MYO6: variants seen among roughly 807,000 people sequenced by gnomAD.
The protein encoded by MYO6 is myosin VI, also known as unconventional myosin-VI.
A neutral mutation model predicts 178.7 loss-of-function variants in MYO6; 74 were observed. The ratio of observed to expected loss-of-function variants is 0.41; its 90% CI spans 0.34 to 0.50. The LOEUF (loss-of-function observed/expected upper bound fraction) is 0.50, where lower values mean the gene tolerates loss of function less well. Ranked by LOEUF, MYO6 falls within the 20% of genes least tolerant of loss-of-function variation. MYO6 has a pLI of 0.09. For synonymous variants in MYO6, 477 were observed against 504.6 expected (o/e 0.95, Z 0.73); for missense variants, 1,330 against 1,547.4 (o/e 0.86, Z 2.36).
At chr6:75,788,239 T>C (rs1444499884) in intron 1 of MYO6, among the ~76,000 whole-genome samples, 1 of 151,516 alleles carries the variant, frequency 6.6e-6, no homozygotes, top group Non-Finnish European at 1.5e-5. Flanking sequence ...TGGTGGGTGC[T>C]TGTGGTCCCA....
chr6:75,900,030 C>T (rs1246359930), intron 30 of MYO6, among the ~76,000 whole-genome samples: 2 of 151,636 alleles, frequency 1.3e-5, no homozygotes, highest in African/African-American at 2.4e-5. Flanking sequence ...ATGATGATTT[C>T]CAATGTCATC....
At chr6:75,789,771 A>G (rs1484040231) in intron 1 of MYO6, among the ~76,000 whole-genome samples, 1 of 152,256 alleles carries the variant, frequency 6.6e-6, no homozygotes, top group South Asian at 2.1e-4. Context: ...TCTTTTAGCT[A>G]TCTTGAAATA....
chr6:75,818,623 T>C (rs923577106), intron 2 of MYO6, among the ~76,000 whole-genome samples: 1 of 152,216 alleles, frequency 6.6e-6, no homozygotes, highest in Non-Finnish European at 1.5e-5. Flanking sequence ...CATGGCTAAC[T>C]AATGCCATAT....
Position 75,780,106 on chromosome 6 carries a change from T to C in MYO6, c.-48+30683T>C, listed in dbSNP as rs540763453. Among the ~76,000 whole-genome samples the C allele has an allele frequency of 2.6e-5, 4 of 152,154 alleles. No individual in the cohort carries two copies. The South Asian group carries it at 8.3e-4, about 32-fold the overall frequency. On this transcript the variant is annotated intron_variant, in intron 1 of 34. Transcript: ENST00000369977. The stretch of plus-strand genomic sequence containing the variant: ...GGGGCTGGAGGTCTAGGAAAAAAAA[T>C]TGGGTAGTGGCAAAGATCATTGTTA...
intron 29 of MYO6, among the ~76,000 whole-genome samples, chr6:75,897,761 C>T (rs1779419729): frequency 6.6e-6 from 1 of 152,210 alleles, no homozygotes; most frequent in Non-Finnish European, 1.5e-5. Context: ...AAGTTACACT[C>T]TTCTGGGTAA....
rs766700803 is a variant in MYO6 at position 75,855,219 on chromosome 6, C to T, written c.1159C>T (p.Arg387Ter). ...ACTGGGTTTGGACCAAGATGATCTT[C>T]GAGTAAGTTTGACCACAAGAGTCAT... is the stretch of plus-strand genomic sequence containing the variant. ...ELLGLDQDDL[R>*]VSLTTRVMLT... The change falls in exon 12 of 35, where the codon CGA becomes TGA. Residue 387 changes from arginine (R) to a stop codon, truncating the protein, a stop_gained. Coordinates refer to ENST00000369977, the MANE Select transcript of MYO6 (RefSeq NM_004999.4). LOFTEE classifies it high-confidence loss of function. 1.9e-6 allele frequency: 3 copies of T among 1,613,468 alleles called. No homozygotes were observed. Among genetic ancestry groups the T allele is most frequent in the Non-Finnish European group, 2.5e-6 (3 of 1,179,698 alleles).
At position 75,917,130 on chromosome 6, in the gene MYO6, A is replaced by G. The variant is rs1458176897; in HGVS notation, c.*2118A>G. ...ACCCTGTCAGCCTTTTAAAGGAAACAGCAGGAGTGGTGTCCTAAATGATGT... is the reference window on the plus strand; with the variant it reads ...ACCCTGTCAGCCTTTTAAAGGAAACGGCAGGAGTGGTGTCCTAAATGATGT... On this transcript the variant is annotated 3_prime_UTR_variant, in exon 35 of 35. Coordinates refer to ENST00000369977, the MANE Select transcript of MYO6 (RefSeq NM_004999.4). The G allele has an allele frequency of 1.3e-5, 2 of 152,618 alleles. No homozygotes were observed. The highest frequency in any genetic ancestry group is 2.9e-5 in the Non-Finnish European group (2 of 68,046). 9.5% of individuals were successfully genotyped at this position (152,618 alleles called of 1,614,324 possible). A position where few individuals can be genotyped will look rare whatever the true frequency, so the allele number is the denominator to read the frequency against.
At chr6:75,879,435 T>G (rs1777833973) in intron 20 of MYO6, among the ~76,000 whole-genome samples, 1 of 151,320 alleles carries the variant, frequency 6.6e-6, no homozygotes, top group African/African-American at 2.4e-5. Context: ...TTTTTTTTTT[T>G]TTGTAGAGAT....
At position 75,832,945 on chromosome 6, in the gene MYO6, A is replaced by G. The variant is rs1773261090; in HGVS notation, c.495A>G (p.Leu165=). Residue 165 remains leucine, a splice_region_variant and synonymous_variant, in exon 6 of 35, where the codon CTA becomes CTG. Transcript: ENST00000369977. ...AAACAGAAAATACAAAATTTGTTCTAAGGTGAGTATTCAGCTAACTTGAAG... is the reference window on the plus strand; with the variant it reads ...AAACAGAAAATACAAAATTTGTTCTGAGGTGAGTATTCAGCTAACTTGAAG... ...AGKTENTKFV[L]RYLTESYGTG... 21 of 1,602,916 alleles carry G rather than the reference A, an allele frequency of 1.3e-5. No homozygotes were observed. Among genetic ancestry groups the G allele is most frequent in the Non-Finnish European group, 1.8e-5 (21 of 1,169,810 alleles).
chr6:75,829,347 GATAA>G (rs1377842032), intron 4 of MYO6, among the ~76,000 whole-genome samples: 2 of 152,160 alleles, frequency 1.3e-5, no homozygotes, highest in East Asian at 3.9e-4. Flanking sequence ...GGTGACTGGA[GATAA>G]ATTACCCCAC....
chr6:75,842,258 G>T (rs1178756064), intron 9 of MYO6, among the ~76,000 whole-genome samples: 1 of 152,024 alleles, frequency 6.6e-6, no homozygotes, highest in Admixed American at 6.5e-5. Context: ...TTCTAGGAGC[G>T]GTGACTGGGG....
chr6:75,770,604 G>A (rs1337543983), intron 1 of MYO6, among the ~76,000 whole-genome samples: 1 of 152,098 alleles, frequency 6.6e-6, no homozygotes, highest in Non-Finnish European at 1.5e-5. Flanking sequence ...AGCCTCCTGA[G>A]TAGCCGGGAT....
At chr6:75,892,747 T>G in intron 28 of MYO6, 57 bp downstream of exon 28, 2 of 1,576,352 alleles carry the variant, frequency 1.3e-6, no homozygotes, top group African/African-American at 1.3e-5. Context: ...TCTACCTCTC[T>G]GCCTCTCATT....
chr6:75,881,666 T>TAC (rs1449806049), intron 22 of MYO6, 23 bp from the exon 23 acceptor site: 2 of 1,606,900 alleles, frequency 1.2e-6, no homozygotes, highest in Admixed American at 3.3e-5. Flanking sequence ...TTAATACTGA[T>TAC]ACTAAATTAT....
intron 2 of MYO6, among the ~76,000 whole-genome samples, chr6:75,819,709 T>G (rs191570662): frequency 3.3e-5 from 5 of 152,362 alleles, no homozygotes; most frequent in Non-Finnish European, 7.3e-5. Flanking sequence ...GAAACATTCT[T>G]AGCACATGCT....
chr6:75,796,416 T>G (rs1050086568), intron 1 of MYO6, among the ~76,000 whole-genome samples: 4 of 151,332 alleles, frequency 2.6e-5, no homozygotes, highest in East Asian at 1.9e-4. Flanking sequence ...CATCTTTGAG[T>G]TTTTTTTTGA....
intron 1 of MYO6, among the ~76,000 whole-genome samples, chr6:75,797,235 A>AT (rs1244001715): frequency 6.6e-6 from 1 of 152,080 alleles, no homozygotes; most frequent in Non-Finnish European, 1.5e-5. Flanking sequence ...GATTACAGGC[A>AT]TGCACCACCA....
At chr6:75,850,147 T>C (rs998956081) in intron 11 of MYO6, among the ~76,000 whole-genome samples, 1 of 151,958 alleles carries the variant, frequency 6.6e-6, no homozygotes, top group Non-Finnish European at 1.5e-5. Context: ...AAGTAAGTCC[T>C]GATACAGGAA....
intron 1 of MYO6, among the ~76,000 whole-genome samples, chr6:75,787,212 A>G (rs944229556): frequency 2.0e-5 from 3 of 152,186 alleles, no homozygotes; most frequent in Non-Finnish European, 4.4e-5. Flanking sequence ...GAACTCTCAT[A>G]TGTTGCTTAC....
Sources: gnomAD v4.1 joint callset for allele counts (sites outside exome capture counted in the v4.1 genomes callset) on GRCh38, gnomAD v4.1.1 for gene constraint, MANE v1.5 for transcripts, NCBI Gene and HGNC (gene_info 2026-07-23, HGNC 2026-07-21) for gene names.